The following BMERB1 variants were observed in gnomAD, a reference collection of about 807,000 sequenced individuals.
BMERB1 encodes the protein bMERB domain-containing protein 1.
BMERB1 carries 12 observed loss-of-function variants against 23.6 expected under a neutral mutation model. The ratio of observed to expected loss-of-function variants is 0.51; its 90% CI spans 0.33 to 0.82. The LOEUF (loss-of-function observed/expected upper bound fraction) is 0.82. Among genes scored for constraint, BMERB1 ranks in the 40% least tolerant of loss-of-function variants. The probability of loss-of-function intolerance (pLI) is 0.03; values close to 1 mark genes in which losing one functional copy is unlikely to be tolerated. For synonymous variants in BMERB1, 122 were observed against 96.6 expected, an observed-to-expected ratio of 1.26 and a Z score of -1.54; for missense variants, 247 against 255.4, an observed-to-expected ratio of 0.97 and a Z score of 0.22.
intron 1 of BMERB1, among the ~76,000 whole-genome samples, chr16:15,452,483 A>G (rs2051051227): frequency 6.6e-6 from 1 of 152,088 alleles, no homozygotes; most frequent in South Asian, 2.1e-4. Flanking sequence ...ACTCTTTTGC[A>G]TCTCTGAGCC....
intron 1 of BMERB1, among the ~76,000 whole-genome samples, chr16:15,512,454 A>G (rs978929876): frequency 1.3e-5 from 2 of 152,216 alleles, no homozygotes; most frequent in African/African-American, 4.8e-5. Flanking sequence ...AAACAGGACA[A>G]CTTTCTCTGG....
intron 1 of BMERB1, among the ~76,000 whole-genome samples, chr16:15,460,034 T>G (rs1016964387): frequency 5.3e-5 from 8 of 152,172 alleles, no homozygotes; most frequent in African/African-American, 1.9e-4. Context: ...TCTCATTGAT[T>G]TAGCATGGTT....
chr16:15,536,485 T>C (rs1347753608), intron 2 of BMERB1: 3 of 152,346 alleles, frequency 2.0e-5, no homozygotes, highest in African/African-American at 7.2e-5. Flanking sequence ...CCCTGGACAA[T>C]TGTAGAAGGT....
At chr16:15,573,354 A>G (rs1010936273) in intron 3 of BMERB1, among the ~76,000 whole-genome samples, 7 of 152,140 alleles carry the variant, frequency 4.6e-5, no homozygotes, top group African/African-American at 1.7e-4. Context: ...GCTGAGGGAG[A>G]CTGGAGTTTT....
chr16:15,470,158 C>G (rs976483570), intron 1 of BMERB1, among the ~76,000 whole-genome samples: 71 of 152,226 alleles, frequency 4.7e-4, no homozygotes, highest in African/African-American at 1.6e-3. Context: ...CTCCCTTATT[C>G]CTACTTTCTG....
At chr16:15,458,734 AG>A (rs2051109612) in intron 1 of BMERB1, among the ~76,000 whole-genome samples, 1 of 151,200 alleles carries the variant, frequency 6.6e-6, no homozygotes, top group East Asian at 1.9e-4. Context: ...AAAAAAAAAA[AG>A]TAGAAGTTTA....
intron 2 of BMERB1, among the ~76,000 whole-genome samples, chr16:15,548,146 G>A (rs1386560699): frequency 1.3e-5 from 2 of 151,914 alleles, no homozygotes; most frequent in African/African-American, 4.8e-5. Flanking sequence ...CACCATGCCT[G>A]GCTAATTTTT....
intron 1 of BMERB1, among the ~76,000 whole-genome samples, chr16:15,460,428 C>T (rs1274746094): frequency 2.6e-5 from 4 of 152,182 alleles, no homozygotes; most frequent in Non-Finnish European, 4.4e-5. Flanking sequence ...GACATTTAGA[C>T]ATTTTGCTCT....
intron 1 of BMERB1, among the ~76,000 whole-genome samples, chr16:15,499,798 G>A (rs1056770463): frequency 2.6e-5 from 4 of 152,180 alleles, no homozygotes; most frequent in African/African-American, 9.7e-5. Flanking sequence ...GCCTCTTGCG[G>A]GAAGATGTCG....
chr16:15,555,538 G>A (rs897154099), intron 2 of BMERB1, among the ~76,000 whole-genome samples: 1 of 152,184 alleles, frequency 6.6e-6, no homozygotes, highest in Admixed American at 6.5e-5. Context: ...TCTTGAAGAA[G>A]GTGACATTTG....
intron 1 of BMERB1, among the ~76,000 whole-genome samples, chr16:15,445,717 C>T (rs186747691): frequency 7.9e-5 from 12 of 152,270 alleles, no homozygotes; most frequent in African/African-American, 2.6e-4. Context: ...ATGGCTTGGT[C>T]ATTTCTTAAA....
chr16:15,552,418 C>T (rs141440438), intron 2 of BMERB1, among the ~76,000 whole-genome samples: 381 of 151,182 alleles, frequency 2.5e-3, no homozygotes, highest in African/African-American at 8.5e-3. Flanking sequence ...CCGGCCTGGG[C>T]GACAGAACGA....
intron 1 of BMERB1, among the ~76,000 whole-genome samples, chr16:15,437,549 A>C (rs1466830163): frequency 6.6e-6 from 1 of 152,196 alleles, no homozygotes; most frequent in Non-Finnish European, 1.5e-5. Flanking sequence ...TTATATCTTA[A>C]CATTTTATGA....
rs560992467 is a variant in BMERB1, at chr16:15,529,287, A to G, written c.230+13859A>G. On this transcript the variant is annotated intron_variant, in intron 2 of 5. Coordinates refer to ENST00000300006, the MANE Select transcript of BMERB1 (RefSeq NM_033201.3). ...GTGATCCGCCTGCCTCGGCCTCCCA[A>G]CGTGCTGGGATTACAGGCGTGAGCC... Among the ~76,000 whole-genome samples, 18 of 152,200 alleles carry G rather than the reference A, an allele frequency of 1.2e-4. No individual in the cohort carries two copies. In the South Asian group the frequency reaches 3.5e-3, roughly 30 times the overall value.
At chr16:15,437,316 T>C (rs768985296) in intron 1 of BMERB1, among the ~76,000 whole-genome samples, 22 of 152,314 alleles carry the variant, frequency 1.4e-4, no homozygotes, top group Middle Eastern at 3.4e-3. Context: ...TTTAGGAGTA[T>C]TGCTAAGCCT....
intron 2 of BMERB1, among the ~76,000 whole-genome samples, chr16:15,547,524 T>G (rs1000273606): frequency 6.6e-6 from 1 of 151,762 alleles, no homozygotes; most frequent in Admixed American, 6.6e-5. Context: ...TTTTGTATTT[T>G]TAGGTGAGAC....
chr16:15,489,648 G>A (rs908049027), intron 1 of BMERB1, among the ~76,000 whole-genome samples: 2 of 152,124 alleles, frequency 1.3e-5, no homozygotes, highest in Admixed American at 1.3e-4. Flanking sequence ...AAACTTTCTA[G>A]CTGGGCTCAA....
At chr16:15,526,752 C>G (rs999077401) in intron 2 of BMERB1, among the ~76,000 whole-genome samples, 20 of 149,510 alleles carry the variant, frequency 1.3e-4, no homozygotes, top group African/African-American at 4.4e-4. Flanking sequence ...AGCATTACCA[C>G]AAGTTTGTGA....
intron 1 of BMERB1, among the ~76,000 whole-genome samples, chr16:15,462,137 C>CGTTTT (rs2051140678): frequency 1.8e-5 from 1 of 56,962 alleles, no homozygotes; most frequent in African/African-American, 7.9e-5. Context: ...GATGTCCTGC[C>CGTTTT]TTTTTTTTTT....
Sources: allele counts gnomAD v4.1 joint callset (sites outside exome capture counted in the v4.1 genomes callset), GRCh38; gene constraint gnomAD v4.1.1; transcripts MANE v1.5; gene names NCBI Gene and HGNC (gene_info 2026-07-23, HGNC 2026-07-21).